Variants in CAST observed in about 807,000 individuals in gnomAD.
CAST encodes MIR583 host.
CAST carries 76 observed loss-of-function variants against 119.6 expected under a neutral mutation model. The observed-to-expected ratio is 0.64, with a 90% CI of 0.53 to 0.77. CAST has a LOEUF of 0.77. CAST is among the 30% of genes least tolerant of loss of function. CAST has a pLI of 0.00. For synonymous variants in CAST, 319 were observed against 331.6 expected (o/e 0.96, Z 0.41); for missense variants, 953 against 946.5 (o/e 1.01, Z -0.09).
chr5:96,438,008 T>C, the CAST span, among the ~76,000 whole-genome samples: 5 of 152,186 alleles, frequency 3.3e-5, no homozygotes, highest in Non-Finnish European at 7.4e-5. Flanking sequence ...TTATACATGA[T>C]AGCAATTCAT....
the CAST span, among the ~76,000 whole-genome samples, chr5:96,351,279 C>T: frequency 2.0e-5 from 3 of 152,108 alleles, no homozygotes; most frequent in South Asian, 6.2e-4. Context: ...TTGTATTTAT[C>T]TGACCCTTAG....
chr5:96,395,833 A>C, the CAST span, among the ~76,000 whole-genome samples: 1 of 73,288 alleles, frequency 1.4e-5, no homozygotes, highest in African/African-American at 1.2e-4. Context: ...AATGACAAAA[A>C]ATAAATAAAT....
At chr5:96,416,004 C>T in the CAST span, 2 of 1,402,668 alleles carry the variant, frequency 1.4e-6, no homozygotes. Flanking sequence ...ATTAAAATGC[C>T]AAGCTATAGG....
At chr5:96,472,817 A>G in the CAST span, among the ~76,000 whole-genome samples, 9 of 152,258 alleles carry the variant, frequency 5.9e-5, no homozygotes, top group Non-Finnish European at 1.2e-4. Context: ...AAATCTAATT[A>G]CCAAGTGGGT....
At chr5:96,736,069 A>C in intron 9 of CAST, 103 bp from the exon 10 acceptor site, 1 of 691,224 alleles carries the variant, frequency 1.4e-6, no homozygotes, top group Non-Finnish European at 2.5e-6. Context: ...TGTTCAGTGT[A>C]TGATCAATGC....
chr5:96,153,046 T>G, the CAST span, among the ~76,000 whole-genome samples: 1 of 152,262 alleles, frequency 6.6e-6, no homozygotes, highest in African/African-American at 2.4e-5. Flanking sequence ...ATATCAGACC[T>G]TAAGATAGGC....
At chr5:96,235,949 A>T in the CAST span, among the ~76,000 whole-genome samples, 2 of 152,244 alleles carry the variant, frequency 1.3e-5, no homozygotes, top group Non-Finnish European at 2.9e-5. Context: ...ACAAGGTCCC[A>T]GATTTCTGCC....
At chr5:96,129,871 G>T in the CAST span, among the ~76,000 whole-genome samples, 1 of 131,814 alleles carries the variant, frequency 7.6e-6, no homozygotes, top group Non-Finnish European at 1.7e-5. Flanking sequence ...TAATAGCATT[G>T]CCTTGATTAC....
At chr5:96,677,737 G>A (rs31250) in intron 2 of CAST, among the ~76,000 whole-genome samples, 1 of 152,056 alleles carries the variant, frequency 6.6e-6, no homozygotes, top group African/African-American at 2.4e-5. Flanking sequence ...ACTTTGCTCT[G>A]TCCCCATGGC....
chr5:96,148,919 T>C, the CAST span, among the ~76,000 whole-genome samples: 1 of 152,238 alleles, frequency 6.6e-6, no homozygotes, highest in Non-Finnish European at 1.5e-5. Context: ...TGTCTTTACT[T>C]GTAAAGTGTG....
At position 96,742,690 on chromosome 5, in the gene CAST, G is replaced by T; in HGVS notation, c.1134G>T (p.Ser378=). ...GTGATCAAGCACTCGAGGCTCTGTC[G>T]GCTTCACTGGGCACCCGGCAAGCAG... is the stretch of plus-strand genomic sequence containing the variant. The part of the protein sequence containing the change: ...TMSDQALEAL[S]ASLGTRQAEP... The change falls in exon 16 of 32, where the codon TCG becomes TCT. Residue 378 remains serine (S), a synonymous_variant. Coordinates refer to ENST00000675179, the MANE Select transcript of CAST (RefSeq NM_001750.7). 1 of 1,613,810 alleles carries T rather than the reference G, an allele frequency of 6.2e-7. No homozygotes were observed. Among genetic ancestry groups the T allele is most frequent in the Non-Finnish European group, 8.5e-7 (1 of 1,179,860 alleles).
chr5:96,200,309 C>T, the CAST span, among the ~76,000 whole-genome samples: 11 of 152,222 alleles, frequency 7.2e-5, no homozygotes, highest in South Asian at 1.0e-3. Context: ...ATGTCCTCCT[C>T]TCTATAGATA....
chr5:96,042,981 G>A, the CAST span, among the ~76,000 whole-genome samples: 1 of 152,042 alleles, frequency 6.6e-6, no homozygotes, highest in Non-Finnish European at 1.5e-5. Flanking sequence ...AGAAGCCCAT[G>A]GAAGTGACAA....
the CAST span, among the ~76,000 whole-genome samples, chr5:96,251,994 C>T: frequency 6.6e-6 from 1 of 152,104 alleles, no homozygotes; most frequent in South Asian, 2.1e-4. Flanking sequence ...AAAGGCTTGT[C>T]TTTCTGAAAT....
chr5:96,609,755 C>T (rs79540508), intron 1 of CAST, among the ~76,000 whole-genome samples: 3,377 of 152,154 alleles, frequency 0.022, 132 homozygotes, highest in African/African-American at 0.069. Context: ...TGTTTTGGTA[C>T]AAAAAGGGGG....
chr5:96,602,578 C>A (rs762564287), intron 1 of CAST, among the ~76,000 whole-genome samples: 10 of 152,118 alleles, frequency 6.6e-5, no homozygotes, highest in Non-Finnish European at 1.2e-4. Context: ...TGGTGAAACC[C>A]CATCTCTCCT....
intron 1 of CAST, among the ~76,000 whole-genome samples, chr5:96,560,586 A>C (rs1327181692): frequency 2.0e-5 from 3 of 152,246 alleles, no homozygotes; most frequent in South Asian, 2.1e-4. Context: ...ATGCAGCCAA[A>C]AGACACATGA....
At chr5:96,292,286 C>T in the CAST span, among the ~76,000 whole-genome samples, 24 of 152,280 alleles carry the variant, frequency 1.6e-4, no homozygotes, top group African/African-American at 4.8e-4. Context: ...TTGGAAAACC[C>T]GTAACATCCA....
intron 2 of CAST, among the ~76,000 whole-genome samples, chr5:96,682,193 G>T (rs552361964): frequency 6.6e-6 from 1 of 152,334 alleles, no homozygotes; most frequent in South Asian, 2.1e-4. Flanking sequence ...AGATAAGAGA[G>T]ACTACTGTAA....
Sources: gnomAD v4.1 joint callset for allele counts (sites outside exome capture counted in the v4.1 genomes callset) on GRCh38, gnomAD v4.1.1 for gene constraint, MANE v1.5 for transcripts, NCBI Gene and HGNC (gene_info 2026-07-23, HGNC 2026-07-21) for gene names.